PBXIP1: variants seen among roughly 807,000 people sequenced by gnomAD.
PBXIP1 encodes PBX homeobox interacting protein 1.
PBXIP1 carries 73 observed loss-of-function variants against 73.7 expected under a neutral mutation model. That is an observed-to-expected ratio of 0.99 (90% CI 0.82 to 1.20). PBXIP1 has a LOEUF of 1.20. Among genes scored for constraint, PBXIP1 ranks in the 50% most tolerant of loss-of-function variants. PBXIP1 has a pLI of 0.00. For synonymous variants in PBXIP1, 330 were observed against 366.9 expected, an observed-to-expected ratio of 0.90 and a Z score of 1.15; for missense variants, 818 against 911.4, an observed-to-expected ratio of 0.90 and a Z score of 1.32.
rs148118871 is a variant in PBXIP1, at chr1:154,949,381, G to A, written c.410-1015C>T. 6.0e-3 allele frequency among the ~76,000 whole-genome samples: 918 copies of A among 152,046 alleles called. 10 individuals are homozygous for A. Among genetic ancestry groups the A allele is most frequent in the Admixed American group, 8.3e-3 (126 of 15,266 alleles). On this transcript the variant is annotated intron_variant, in intron 5 of 10. Transcript: ENST00000368463. ...TTTTGTAAAGACGGGGTTTTGCCAT[G>A]TTTCCCAGGCTGGTCTCAAACTCCT...
At chr1:154,945,496 A>T in intron 10 of PBXIP1, 76 bp downstream of exon 10, 1 of 1,443,164 alleles carries the variant, frequency 6.9e-7, no homozygotes, top group Non-Finnish European at 9.4e-7. Context: ...AGGATACTCA[A>T]ACTAATGATC....
intron 5 of PBXIP1, among the ~76,000 whole-genome samples, chr1:154,950,664 C>G (rs1289902304): frequency 1.3e-5 from 2 of 152,242 alleles, no homozygotes; most frequent in Non-Finnish European, 1.5e-5. Flanking sequence ...ATGCTGCAGC[C>G]TTGGCCTAAA....
In PBXIP1 at chr1:154,946,011, G is replaced by A; in HGVS notation, c.1663C>T (p.Gln555Ter). Residue 555 changes from glutamine to a stop codon, truncating the protein, a stop_gained, in exon 10 of 11, where the codon CAG becomes TAG. Transcript: ENST00000368463. LOFTEE classifies it high-confidence loss of function. ...SGSFHSSGEK[Q>*]KQPRWREGTK... ...CCTTCCCTCCACCGAGGTTGCTTCT[G>A]CTTTTCTCCAGAGGAGTGGAAGCTA... 1 of 1,614,138 alleles carries A rather than the reference G, an allele frequency of 6.2e-7. No individual in the cohort carries two copies. Among genetic ancestry groups the A allele is most frequent in the East Asian group, 2.2e-5 (1 of 44,882 alleles).
rs917892272 is a variant in PBXIP1, at chr1:154,951,195, G to A, written c.409+37C>T. 8.2e-6 allele frequency: 13 copies of A among 1,593,714 alleles called. No homozygotes were observed. Among genetic ancestry groups the A allele is most frequent in the Non-Finnish European group, 1.0e-5 (12 of 1,163,034 alleles). ...GCTGATCCCTCTCCCATACCTTCTA[G>A]AAGGAGAGTGACAGGAGAGGCAAGG... On this transcript the variant is annotated intron_variant, in intron 5 of 10. Transcript: ENST00000368463. This position sits in a 1 kb window ranked among gnomAD's most constrained non-coding sequence, Gnocchi z 4.3.
At chr1:154,949,730 T>C (rs1571399124) in intron 5 of PBXIP1, among the ~76,000 whole-genome samples, 1 of 152,112 alleles carries the variant, frequency 6.6e-6, no homozygotes, top group South Asian at 2.1e-4. Flanking sequence ...TCATGTACCA[T>C]GTGGAACAGG....
chr1:154,951,143 G>T lies in PBXIP1; in HGVS notation c.409+89C>A. ...CCAAGCTGCTCAGCCCTAGGGCCTG[G>T]ACCACAGCATGTGCTCAGTAGTGAT... On this transcript the variant is annotated intron_variant, in intron 5 of 10. Coordinates refer to ENST00000368463, the MANE Select transcript of PBXIP1 (RefSeq NM_020524.4). This position sits in a 1 kb window ranked among gnomAD's most constrained non-coding sequence, Gnocchi z 4.3. 1.6e-6 allele frequency: 2 copies of T among 1,253,508 alleles called. No individual in the cohort carries two copies. Among genetic ancestry groups the T allele is most frequent in the Admixed American group, 1.8e-5 (1 of 54,722 alleles). 77.6% of individuals were successfully genotyped at this position (1,253,508 alleles called of 1,614,324 possible).
rs184358800 is a variant in PBXIP1 at position 154,954,862 on chromosome 1, T to A, written c.-36-1105A>T. The A allele has an allele frequency of 2.5e-3, 1,102 of 443,986 alleles. 3 individuals carry two copies. Among genetic ancestry groups the A allele is most frequent in the Non-Finnish European group, 3.0e-3 (993 of 334,836 alleles). The allele number at this position is 443,986 out of a possible 1,614,324, so 27.5% of individuals were successfully genotyped here. ...ACCTCTCAAGAGTACTGGATTGTGA[T>A]CCCTCAGAACAGGATAAATGACTGC... is the stretch of plus-strand genomic sequence containing the variant. On this transcript the variant is annotated intron_variant, in intron 1 of 10. Transcript: ENST00000368463.
intron 10 of PBXIP1, 77 bp downstream of exon 10, chr1:154,945,495 A>T (rs1654771147): frequency 6.9e-7 from 1 of 1,447,828 alleles, no homozygotes; most frequent in Non-Finnish European, 9.4e-7. Context: ...AAGGATACTC[A>T]AACTAATGAT....
rs779636187 is a variant in PBXIP1, at chr1:154,947,405, G to T, written c.870+12C>A. ...GGGTTACCCTAGCCCAGCCCCTCCTGCCTGTGCCCACCTGCAGCTGGGCCT... is the reference window on the plus strand; with the variant it reads ...GGGTTACCCTAGCCCAGCCCCTCCTTCCTGTGCCCACCTGCAGCTGGGCCT... On this transcript the variant is annotated intron_variant, in intron 9 of 10. Coordinates refer to ENST00000368463, the MANE Select transcript of PBXIP1 (RefSeq NM_020524.4). 1.2e-6 allele frequency: 2 copies of T among 1,613,958 alleles called. No homozygotes were observed. Among genetic ancestry groups the T allele is most frequent in the Non-Finnish European group, 1.7e-6 (2 of 1,179,912 alleles).
At position 154,947,265 on chromosome 1, in the gene PBXIP1, C is replaced by G. The variant is rs772771410; in HGVS notation, c.870+152G>C. ...CAAACCTTAGCACAAGGGATGTGAACCAAGAACTGGGAAGACGCCCTGACT... is the reference window on the plus strand; with the variant it reads ...CAAACCTTAGCACAAGGGATGTGAAGCAAGAACTGGGAAGACGCCCTGACT... On this transcript the variant is annotated intron_variant, in intron 9 of 10. Transcript: ENST00000368463. The G allele has an allele frequency of 7.4e-5, 68 of 919,730 alleles. No individual in the cohort carries two copies. In the Admixed American group the frequency reaches 1.4e-3, roughly 19 times the overall value. The allele number at this position is 919,730 out of a possible 1,614,324, so 57.0% of individuals were successfully genotyped here.
At chr1:154,953,118 T>C (rs1332729070) in intron 2 of PBXIP1, among the ~76,000 whole-genome samples, 1 of 152,128 alleles carries the variant, frequency 6.6e-6, no homozygotes, top group African/African-American at 2.4e-5. Flanking sequence ...CAGGGGGTCT[T>C]TGAAACACTC....
rs761827688 is a variant in PBXIP1, at chr1:154,947,681, G to A, written c.699C>T (p.Leu233=). The change falls in exon 8 of 11, where the codon CTC becomes CTT. Residue 233 remains leucine (L), a synonymous_variant. Coordinates refer to ENST00000368463, the MANE Select transcript of PBXIP1 (RefSeq NM_020524.4). ...CAGCTTCCAGCACCTCGGGGTCTGG[G>A]AGGACCTGCCGCTCCACTTCCTCCA... ...GPMEEVERQV[L]PDPEVLEAVG... 27 of 1,613,840 alleles carry A rather than the reference G, an allele frequency of 1.7e-5. No individual in the cohort carries two copies. The highest frequency in any genetic ancestry group is 2.1e-5 in the Non-Finnish European group (25 of 1,179,954).
In PBXIP1 at chr1:154,945,545, C is replaced by T. The variant is rs182302403; in HGVS notation, c.2102+27G>A. On this transcript the variant is annotated intron_variant, in intron 10 of 10. Transcript: ENST00000368463. ...TCCTCCCGACTGCCTCTGTCCCACC[C>T]GACCCAACTCCCCCACAGCTGCCCA... is the stretch of plus-strand genomic sequence containing the variant. 105 of 1,598,390 alleles carry T rather than the reference C, an allele frequency of 6.6e-5. No individual in the cohort carries two copies. In the East Asian group the frequency reaches 1.1e-3, roughly 16 times the overall value.
Position 154,945,827 on chromosome 1 carries a change from GCCAGC to G in PBXIP1, c.1842_1846del (p.Glu614AspfsTer30), listed in dbSNP as rs769408878. On this transcript the variant is annotated frameshift_variant, in exon 10 of 11. Transcript: ENST00000368463. LOFTEE classifies it high-confidence loss of function. ...TGCCAAGTATGTTCTTAGCAGAGAG[GCCAGC>G]TCCTGTTGCCGCACTGGGGCTAGCT... 28 of 1,614,172 alleles carry G rather than the reference GCCAGC, an allele frequency of 1.7e-5. No individual in the cohort carries two copies. In the South Asian group the frequency reaches 3.0e-4, roughly 17 times the overall value.
In PBXIP1 at chr1:154,946,634, C is replaced by T. The variant is rs994613564; in HGVS notation, c.1040G>A (p.Arg347Gln). The T allele has an allele frequency of 1.5e-5, 24 of 1,612,024 alleles. No individual in the cohort carries two copies. Among genetic ancestry groups the T allele is most frequent in the Admixed American group, 1.0e-4 (6 of 59,962 alleles). ...ACTGAGGCACACCCCATCTGGGCCCCGGACACAGTCGGCCTCCAGCCCCTG... is the reference window on the plus strand; with the variant it reads ...ACTGAGGCACACCCCATCTGGGCCCTGGACACAGTCGGCCTCCAGCCCCTG... ...RLQGLEADCV[R>Q]GPDGVCLSGG... The change falls in exon 10 of 11, where the codon CGG becomes CAG. Residue 347 changes from arginine to glutamine, a missense_variant. Physicochemically the swap from Arg to Gln is conservative, Grantham distance 43. Transcript: ENST00000368463.
rs1306553467 is a variant in PBXIP1 at position 154,944,928 on chromosome 1, C to A, written c.*96G>T. On this transcript the variant is annotated 3_prime_UTR_variant, in exon 11 of 11. Transcript: ENST00000368463. ...ACTGTGTGAAAGATATCTGAGGACA[C>A]CAAACAAGCCAGGACAGAGTCCACC... 1.0e-6 allele frequency: 1 copy of A among 988,348 alleles called. No homozygotes were observed. The highest frequency in any genetic ancestry group is 1.6e-6 in the Non-Finnish European group (1 of 635,072). 61.2% of individuals were successfully genotyped at this position (988,348 alleles called of 1,614,324 possible). A position where few individuals can be genotyped will look rare whatever the true frequency, so the allele number is the denominator to read the frequency against.
In PBXIP1 at chr1:154,955,020, G is replaced by C. The variant is rs188906409; in HGVS notation, c.-37+1049C>G. ...TTTCAAGTCCTGCGTGGTGCCCTAA[G>C]TAACCTCCTGTGGCTCCTGCCAGTC... is the stretch of plus-strand genomic sequence containing the variant. On this transcript the variant is annotated intron_variant, in intron 1 of 10. Coordinates refer to ENST00000368463, the MANE Select transcript of PBXIP1 (RefSeq NM_020524.4). The C allele has an allele frequency of 7.3e-5, 68 of 935,732 alleles. No homozygotes were observed. The African/African-American group carries it at 1.2e-3, about 16-fold the overall frequency. 58.0% of individuals were successfully genotyped at this position (935,732 alleles called of 1,614,324 possible). A position where few individuals can be genotyped will look rare whatever the true frequency, so the allele number is the denominator to read the frequency against.
In PBXIP1 at chr1:154,948,527, C is replaced by T. The variant is rs936435457; in HGVS notation, c.410-161G>A. ...GCCCACTTGCCCACTTCTGCCTGGG[C>T]ATTGATGACTGTCCCTGCCCAGTCT... On this transcript the variant is annotated intron_variant, in intron 5 of 10. Transcript: ENST00000368463. 25 of 590,412 alleles carry T rather than the reference C, an allele frequency of 4.2e-5. No homozygotes were observed. The East Asian group carries it at 6.9e-4, about 16-fold the overall frequency. 36.6% of individuals were successfully genotyped at this position (590,412 alleles called of 1,614,324 possible).
chr1:154,952,309 T>C (rs1655033047), intron 2 of PBXIP1, among the ~76,000 whole-genome samples: 1 of 152,168 alleles, frequency 6.6e-6, no homozygotes, highest in Admixed American at 6.5e-5. Flanking sequence ...GGGTCACAGT[T>C]ATGCCTCCCA....
Sources: allele counts gnomAD v4.1 joint callset (sites outside exome capture counted in the v4.1 genomes callset), GRCh38; gene constraint gnomAD v4.1.1; non-coding constraint Gnocchi (gnomAD v3.1); transcripts MANE v1.5; gene names NCBI Gene and HGNC (gene_info 2026-07-23, HGNC 2026-07-21).